CPVL: variants seen among roughly 807,000 people sequenced by gnomAD.
CPVL encodes the protein probable serine carboxypeptidase CPVL.
A neutral mutation model predicts 63.7 loss-of-function variants in CPVL; 51 were observed. The observed-to-expected ratio is 0.80, with a 90% confidence interval of 0.64 to 1.01. The LOEUF (loss-of-function observed/expected upper bound fraction) is 1.01. Ranked by LOEUF, CPVL falls within the 50% of genes least tolerant of loss-of-function variation. The pLI is 0.00. For missense variants in CPVL, 530 were observed against 573.1 expected, an observed-to-expected ratio of 0.92 and a Z score of 0.77; for synonymous variants, 195 against 206.0, an observed-to-expected ratio of 0.95 and a Z score of 0.46.
At chr7:29,031,968 G>A (rs1432322689) in intron 11 of CPVL, among the ~76,000 whole-genome samples, 2 of 152,024 alleles carry the variant, frequency 1.3e-5, no homozygotes, top group Non-Finnish European at 1.5e-5. Context: ...TTTAGATGGT[G>A]GAAATCTGAG....
chr7:29,186,418 A>C (rs963410005), intron 2 of CPVL: 1 of 152,138 alleles, frequency 6.6e-6, no homozygotes, highest in Non-Finnish European at 1.5e-5. Context: ...CCCTGTCTCC[A>C]CTAAAAATTT....
intron 11 of CPVL, among the ~76,000 whole-genome samples, chr7:29,054,091 C>G (rs1790472862): frequency 6.6e-6 from 1 of 151,798 alleles, no homozygotes; most frequent in South Asian, 2.1e-4. Flanking sequence ...CAAAACAAAA[C>G]AAACAAAATC....
At chr7:29,147,133 G>C, upstream of CPVL, 1 of 854,446 alleles carries the variant, frequency 1.2e-6, no homozygotes. Context: ...TAAGTGACCT[G>C]AGTGTATATT....
At chr7:29,005,383 A>G (rs1331942676) in intron 12 of CPVL, among the ~76,000 whole-genome samples, 2 of 152,202 alleles carry the variant, frequency 1.3e-5, no homozygotes, top group Non-Finnish European at 2.9e-5. Context: ...TTTTTCAGAA[A>G]AAAGGATTAT....
At chr7:29,132,474 T>C (rs983732418) in intron 1 of CPVL, among the ~76,000 whole-genome samples, 1 of 152,152 alleles carries the variant, frequency 6.6e-6, no homozygotes, top group Non-Finnish European at 1.5e-5. Context: ...AGGTTCACCT[T>C]ATGGGTACAT....
chr7:29,032,417 A>G (rs1788108701), intron 11 of CPVL, among the ~76,000 whole-genome samples: 1 of 152,158 alleles, frequency 6.6e-6, no homozygotes, highest in Admixed American at 6.5e-5. Context: ...ATAGATTTAA[A>G]GCCTGTTAAA....
At chr7:29,166,843 A>G (rs868211299) in intron 5 of CPVL, among the ~76,000 whole-genome samples, 3 of 151,624 alleles carry the variant, frequency 2.0e-5, no homozygotes, top group Non-Finnish European at 4.4e-5. Context: ...TTGTTTTTCT[A>G]TTTCCTGTAC....
intron 1 of CPVL, among the ~76,000 whole-genome samples, chr7:29,134,133 G>A (rs1003426741): frequency 1.3e-5 from 2 of 152,192 alleles, no homozygotes; most frequent in African/African-American, 2.4e-5. Flanking sequence ...TCTACACACT[G>A]ACAGACCCCA....
intron 12 of CPVL, among the ~76,000 whole-genome samples, chr7:29,029,848 T>C (rs567258577): frequency 6.6e-6 from 1 of 152,284 alleles, no homozygotes; most frequent in African/African-American, 2.4e-5. Flanking sequence ...GTGATGGATA[T>C]CCTAAATACC....
At chr7:29,058,399 CTTA>C (rs1039442956) in intron 11 of CPVL, among the ~76,000 whole-genome samples, 1 of 152,068 alleles carries the variant, frequency 6.6e-6, no homozygotes, top group African/African-American at 2.4e-5. Flanking sequence ...TGATTAATCA[CTTA>C]TTAATTCCAA....
At chr7:29,113,162 G>A (rs11760588) in intron 2 of CPVL, among the ~76,000 whole-genome samples, 16,725 of 152,008 alleles carry the variant, frequency 0.11, 1,011 homozygotes, top group Middle Eastern at 0.13. Flanking sequence ...TGATCACCTT[G>A]GGCCACATGG....
At chr7:29,067,394 C>T (rs1562751161) in intron 9 of CPVL, among the ~76,000 whole-genome samples, 1 of 152,110 alleles carries the variant, frequency 6.6e-6, no homozygotes, top group Admixed American at 6.5e-5. Flanking sequence ...TGGTCAGAGG[C>T]CCTGTCTGAG....
chr7:29,019,100 T>C (rs528457075), intron 12 of CPVL, among the ~76,000 whole-genome samples: 20 of 152,232 alleles, frequency 1.3e-4, no homozygotes, highest in Middle Eastern at 6.8e-3. Flanking sequence ...GAGAGCATTA[T>C]GACATTTGCT....
intron 5 of CPVL, among the ~76,000 whole-genome samples, chr7:29,094,097 TTGG>T (rs1335819677): frequency 2.6e-5 from 4 of 152,092 alleles, no homozygotes; most frequent in Non-Finnish European, 4.4e-5. Context: ...TCCCAGCACT[TTGG>T]GAGGCTGAGG....
At chr7:29,139,126 C>T (rs1791570193) in intron 1 of CPVL, among the ~76,000 whole-genome samples, 2 of 152,290 alleles carry the variant, frequency 1.3e-5, no homozygotes, top group East Asian at 1.9e-4. Context: ...TAGAGGATGG[C>T]TGCGGGCTCC....
intron 4 of CPVL, among the ~76,000 whole-genome samples, chr7:29,181,871 A>G (rs1406222194): frequency 1.3e-5 from 2 of 152,126 alleles, no homozygotes; most frequent in African/African-American, 4.8e-5. Context: ...GGGGGGGAAA[A>G]GTACCTAAGT....
At chr7:29,003,187 CAGAG>C (rs1475523176) in intron 12 of CPVL, among the ~76,000 whole-genome samples, 6 of 35,396 alleles carry the variant, frequency 1.7e-4, no homozygotes, top group East Asian at 5.4e-4. Context: ...CACACACACA[CAGAG>C]AGAATAGCAT....
chr7:29,110,738 C>T (rs1270698725), intron 3 of CPVL, among the ~76,000 whole-genome samples: 1 of 152,208 alleles, frequency 6.6e-6, no homozygotes, highest in Admixed American at 6.5e-5. Context: ...ATTCAGGTTG[C>T]AGATGGAATT....
intron 5 of CPVL, among the ~76,000 whole-genome samples, chr7:29,177,409 A>G (rs1797497945): frequency 1.3e-5 from 2 of 151,892 alleles, no homozygotes; most frequent in South Asian, 4.2e-4. Flanking sequence ...GCACACCACA[A>G]TGCTGGGCTA....
Sources: allele counts gnomAD v4.1 joint callset (sites outside exome capture counted in the v4.1 genomes callset), GRCh38; gene constraint gnomAD v4.1.1; transcripts MANE v1.5; gene names NCBI Gene and HGNC (gene_info 2026-07-23, HGNC 2026-07-21).